The following KANSL3 variants were observed in gnomAD, a reference collection of about 807,000 sequenced individuals.
KANSL3 encodes the protein KAT8 regulatory NSL complex subunit 3.
In KANSL3, 16 loss-of-function variants were observed where a neutral mutation model predicts 89.2. The observed-to-expected ratio is 0.18, with a 90% CI of 0.12 to 0.27. The LOEUF is 0.27. Ranked by LOEUF, KANSL3 falls within the 10% of genes least tolerant of loss-of-function variation. The probability of loss-of-function intolerance (pLI) is 1.00; values close to 1 mark genes in which losing one functional copy is unlikely to be tolerated. For missense variants in KANSL3, 879 were observed against 1,110.6 expected, an observed-to-expected ratio of 0.79 and a Z score of 2.96; for synonymous variants, 385 against 419.7, an observed-to-expected ratio of 0.92 and a Z score of 1.01.
rs200484549 is a variant in KANSL3 at position 96,611,122 on chromosome 2, T to C, written c.1103A>G (p.Tyr368Cys). 1.3e-5 allele frequency: 21 copies of C among 1,613,914 alleles called. No homozygotes were observed. In the African/African-American group the frequency reaches 2.3e-4, roughly 17 times the overall value. Residue 368 changes from tyrosine (Y) to cysteine (C), a missense_variant, in exon 10 of 21, where the codon TAT becomes TGT. Transcript: ENST00000431828. ...CCCAAGGCAGACAACTGCAGTGACA[T>C]ACTCCATTACTGACACCTGTAAATA... ...LVACHVSVMEYVTAVVCLGFP... is the reference protein window; with the variant it reads ...LVACHVSVMECVTAVVCLGFP...
chr2:96,588,843 C>T (rs2104759666), downstream of KANSL3, among the ~76,000 whole-genome samples: 1 of 152,296 alleles, frequency 6.6e-6, no homozygotes, highest in Non-Finnish European at 1.5e-5. Context: ...ATCTGCCTGC[C>T]TTGGCCTTGC....
intron 20 of KANSL3, chr2:96,599,606 G>A (rs2066895223): frequency 6.1e-6 from 1 of 164,766 alleles, no homozygotes; most frequent in African/African-American, 2.4e-5. Context: ...AAGACTGACT[G>A]ACATTCAATG....
At chr2:96,598,626 T>C (rs1254225278) in intron 20 of KANSL3, among the ~76,000 whole-genome samples, 7 of 152,140 alleles carry the variant, frequency 4.6e-5, no homozygotes, top group Admixed American at 1.3e-4. Context: ...GAAGGAAACG[T>C]TGGCCGGACA....
At chr2:96,600,631 T>C in intron 20 of KANSL3, 2 of 985,432 alleles carry the variant, frequency 2.0e-6, no homozygotes, top group Non-Finnish European at 2.4e-6. Context: ...GTATAGCGGA[T>C]ACTGAAGGAA....
chr2:96,586,243 G>T, the KANSL3 span, among the ~76,000 whole-genome samples: 1 of 147,098 alleles, frequency 6.8e-6, no homozygotes, highest in Non-Finnish European at 1.5e-5. Context: ...AAAAAAAAAA[G>T]ATATAATTGA....
intron 11 of KANSL3, chr2:96,610,505 C>T (rs538578909): frequency 1.3e-5 from 5 of 372,254 alleles, no homozygotes; most frequent in East Asian, 9.8e-5. Context: ...TTAGTAGAGA[C>T]GGGGTTTCAC....
At chr2:96,613,056 G>T in intron 6 of KANSL3, 122 bp from the exon 7 acceptor site, 1 of 685,524 alleles carries the variant, frequency 1.5e-6, no homozygotes, top group Non-Finnish European at 2.6e-6. Flanking sequence ...ATTATGTTAA[G>T]CACTATGTAA....
chr2:96,634,833 T>C (rs571374769), intron 2 of KANSL3, among the ~76,000 whole-genome samples: 2 of 152,342 alleles, frequency 1.3e-5, no homozygotes, highest in East Asian at 1.9e-4. Context: ...AAGAGAACTC[T>C]TGATTTCACC....
At chr2:96,601,957 A>C (rs910039459) in intron 19 of KANSL3, 159 bp downstream of exon 19, 4 of 1,196,258 alleles carry the variant, frequency 3.3e-6, no homozygotes, top group Non-Finnish European at 4.6e-6. Flanking sequence ...TGTTCTCTCA[A>C]CCTCTCTGGG....
At chr2:96,633,493 C>T (rs970112241) in intron 2 of KANSL3, among the ~76,000 whole-genome samples, 11 of 149,798 alleles carry the variant, frequency 7.3e-5, no homozygotes, top group South Asian at 4.3e-4. Flanking sequence ...GGCGTGAACC[C>T]GGGAGACGGA....
chr2:96,609,041 A>G lies in KANSL3; in HGVS notation c.1407T>C (p.Thr469=), dbSNP rs2105344562. 1.3e-6 allele frequency: 2 copies of G among 1,561,146 alleles called. No homozygotes were observed. Among genetic ancestry groups the G allele is most frequent in the South Asian group, 2.4e-5 (2 of 84,530 alleles). ...CIQDEIVDFL[T]GVLTRAEGHM... ...GACCCTCAGCACGAGTGAGCACTCC[A>G]GTCAGAAAGTCCACAATCTCATCCT... The change falls in exon 13 of 21, where the codon ACT becomes ACC. Residue 469 remains threonine (T), a synonymous_variant. Transcript: ENST00000431828.
At chr2:96,636,062 C>T (rs2074202177) in intron 2 of KANSL3, among the ~76,000 whole-genome samples, 1 of 151,724 alleles carries the variant, frequency 6.6e-6, no homozygotes, top group Non-Finnish European at 1.5e-5. Context: ...GTCTCAATTC[C>T]AGGAGGGGTG....
In KANSL3 at chr2:96,631,498, G is replaced by A; in HGVS notation, c.216-16C>T. On this transcript the variant is annotated splice_polypyrimidine_tract_variant and intron_variant, in intron 2 of 20. Transcript: ENST00000431828. ...GTCTGATTCACTGTAAACAGGTGAGGAAATAGGACCGGGCCACACATACTT... is the reference window on the plus strand; with the variant it reads ...GTCTGATTCACTGTAAACAGGTGAGAAAATAGGACCGGGCCACACATACTT... 2 of 1,556,188 alleles carry A rather than the reference G, an allele frequency of 1.3e-6. No homozygotes were observed. Among genetic ancestry groups the A allele is most frequent in the Non-Finnish European group, 1.7e-6 (2 of 1,149,302 alleles).
intron 20 of KANSL3, among the ~76,000 whole-genome samples, chr2:96,595,923 T>A (rs1462542713): frequency 6.6e-6 from 1 of 152,178 alleles, no homozygotes; most frequent in Non-Finnish European, 1.5e-5. Flanking sequence ...CTTTCCAGGG[T>A]CACCGTAAGG....
chr2:96,584,736 T>C, the KANSL3 span, among the ~76,000 whole-genome samples: 1 of 152,188 alleles, frequency 6.6e-6, no homozygotes, highest in African/African-American at 2.4e-5. Context: ...ATTGTGTATA[T>C]ATATATCCCA....
intron 7 of KANSL3, 25 bp downstream of exon 7, chr2:96,612,793 G>C (rs562168273): frequency 6.7e-7 from 1 of 1,498,442 alleles, no homozygotes; most frequent in East Asian, 2.5e-5. Flanking sequence ...TGCCAGGAAG[G>C]AGTTCCTCTT....
intron 2 of KANSL3, 90 bp from the exon 3 acceptor site, chr2:96,631,572 C>T: frequency 1.4e-6 from 2 of 1,460,892 alleles, no homozygotes; most frequent in East Asian, 2.5e-5. Context: ...ATCTTTAATA[C>T]AGTCAGCTTT....
At chr2:96,623,369 G>A (rs1486030156) in intron 3 of KANSL3, among the ~76,000 whole-genome samples, 2 of 152,144 alleles carry the variant, frequency 1.3e-5, no homozygotes, top group Non-Finnish European at 2.9e-5. Flanking sequence ...CTCTGGCTTC[G>A]TAAGAGACCA....
Position 96,610,845 on chromosome 2 carries a change from G to A in KANSL3, c.1200C>T (p.Val400=), listed in dbSNP as rs747337607. The A allele has an allele frequency of 2.5e-6, 4 of 1,613,944 alleles. No individual in the cohort carries two copies. The highest frequency in any genetic ancestry group is 3.4e-6 in the Non-Finnish European group (4 of 1,179,848). ...DDPLLDMKTP[V]LFVIGQNSLQ... ...GGGAATTCTGACCAATGACAAAGAGGACTGGAGTCTTCATATCCAAGAGGG... is the reference window on the plus strand; with the variant it reads ...GGGAATTCTGACCAATGACAAAGAGAACTGGAGTCTTCATATCCAAGAGGG... Residue 400 remains valine, a synonymous_variant, in exon 11 of 21, where the codon GTC becomes GTT. Transcript: ENST00000431828.
Sources: allele counts gnomAD v4.1 joint callset (sites outside exome capture counted in the v4.1 genomes callset), GRCh38; gene constraint gnomAD v4.1.1; transcripts MANE v1.5; gene names NCBI Gene and HGNC (gene_info 2026-07-23, HGNC 2026-07-21).